The following STK24 variants were observed in gnomAD, a reference collection of about 807,000 sequenced individuals.
STK24 encodes serine/threonine-protein kinase 24.
In STK24, 21 loss-of-function variants were observed where a neutral mutation model predicts 55.6. The ratio of observed to expected loss-of-function variants is 0.38; its 90% CI spans 0.27 to 0.54. The LOEUF is 0.54. Ranked by LOEUF, STK24 falls within the 20% of genes least tolerant of loss-of-function variation. STK24 has a pLI of 0.79. For missense variants in STK24, 383 were observed against 538.4 expected, an observed-to-expected ratio of 0.71 and a Z score of 2.86; for synonymous variants, 200 against 215.2, an observed-to-expected ratio of 0.93 and a Z score of 0.62.
chr13:98,508,862 T>G lies in STK24; in HGVS notation c.273+10381A>C, dbSNP rs1490393785. 4 of 152,168 alleles carry G rather than the reference T, an allele frequency of 2.6e-5. No homozygotes were observed. In the East Asian group the frequency reaches 7.8e-4, roughly 30 times the overall value. 9.4% of individuals were successfully genotyped at this position (152,168 alleles called of 1,614,324 possible). ...CCTTCTCTGCTTTGAAGTCCATTCT[T>G]CAGCTTTGCCAATTTCAAAGCTGTT... On this transcript the variant is annotated intron_variant, in intron 2 of 10. Transcript: ENST00000539966.
intron 1 of STK24, among the ~76,000 whole-genome samples, chr13:98,535,967 A>G (rs767534198): frequency 2.0e-5 from 3 of 152,252 alleles, no homozygotes; most frequent in Non-Finnish European, 2.9e-5. Context: ...GAAACTGACT[A>G]TTCTAGAAGC....
At chr13:98,517,388 G>C (rs1420005730) in intron 2 of STK24, among the ~76,000 whole-genome samples, 1 of 152,170 alleles carries the variant, frequency 6.6e-6, no homozygotes, top group African/African-American at 2.4e-5. Context: ...CACTTTGGCA[G>C]GCTGAGGCAG....
intron 1 of STK24, among the ~76,000 whole-genome samples, chr13:98,528,340 G>A (rs1896490594): frequency 6.6e-6 from 1 of 152,202 alleles, no homozygotes; most frequent in Non-Finnish European, 1.5e-5. Context: ...GCCAGAAGGT[G>A]GGTGTTTTCC....
chr13:98,457,293 C>T lies in STK24; in HGVS notation c.1134G>A (p.Lys378=), dbSNP rs1217892388. 6.2e-7 allele frequency: 1 copy of T among 1,614,096 alleles called. No individual in the cohort carries two copies. The highest frequency in any genetic ancestry group is 2.2e-5 in the East Asian group (1 of 44,878). The change falls in exon 10 of 11, where the codon AAG becomes AAA. Residue 378 remains lysine (K), a synonymous_variant. Transcript: ENST00000539966. ...CCAAGTTCCCTCCGCACGCCTGGCT[C>T]TTCTCCTTCAACTGAAAACACACGA... The part of the protein sequence containing the change: ...ISPLFAELKE[K]SQACGGNLGS...
At chr13:98,492,966 A>G (rs1317963781) in intron 2 of STK24, among the ~76,000 whole-genome samples, 4 of 152,250 alleles carry the variant, frequency 2.6e-5, no homozygotes, top group African/African-American at 9.6e-5. Flanking sequence ...CCAGTAAGAA[A>G]AATACTTTGA....
intron 2 of STK24, among the ~76,000 whole-genome samples, chr13:98,503,024 G>GGTTTT (rs759314930): frequency 1.9e-5 from 2 of 107,084 alleles, no homozygotes; most frequent in South Asian, 2.9e-4. Context: ...CTTTCCATGT[G>GGTTTT]TTTTTTTTTT....
intron 4 of STK24, 97 bp downstream of exon 4, chr13:98,475,153 G>A: frequency 7.1e-7 from 1 of 1,399,730 alleles, no homozygotes; most frequent in Non-Finnish European, 9.8e-7. Flanking sequence ...AAACGTGCAG[G>A]ACAAATGGGC....
At chr13:98,480,452 G>GA (rs1158574948) in intron 3 of STK24, among the ~76,000 whole-genome samples, 1 of 152,116 alleles carries the variant, frequency 6.6e-6, no homozygotes, top group Non-Finnish European at 1.5e-5. Flanking sequence ...CCAACAGGGT[G>GA]AAAAAATGAA....
chr13:98,462,953 C>T (rs1893774982), intron 7 of STK24, among the ~76,000 whole-genome samples: 1 of 152,202 alleles, frequency 6.6e-6, no homozygotes, highest in Non-Finnish European at 1.5e-5. Context: ...CTCCCAATGG[C>T]AGTACCTCAA....
At chr13:98,491,212 G>A (rs1242585493) in intron 2 of STK24, among the ~76,000 whole-genome samples, 2 of 152,200 alleles carry the variant, frequency 1.3e-5, no homozygotes, top group Admixed American at 6.5e-5. Context: ...CTCCCTGCGA[G>A]CAATGCCTTC....
In STK24 at chr13:98,450,075, G is replaced by A. The variant is rs1176745414; in HGVS notation, c.*3098C>T. On this transcript the variant is annotated 3_prime_UTR_variant, in exon 11 of 11. Coordinates refer to ENST00000539966, the MANE Select transcript of STK24 (RefSeq NM_001032296.4). Reference sequence around the variant, plus strand: ...ATTCCAAACTACTTGCTGGACACTGGTGGTTCTGACCTGTGACCAGCACCT... The same window carrying A: ...ATTCCAAACTACTTGCTGGACACTGATGGTTCTGACCTGTGACCAGCACCT... 1 of 152,190 alleles carries A rather than the reference G, an allele frequency of 6.6e-6. No individual in the cohort carries two copies. The highest frequency in any genetic ancestry group is 1.5e-5 in the Non-Finnish European group (1 of 68,048). 9.4% of individuals were successfully genotyped at this position (152,190 alleles called of 1,614,324 possible). A position where few individuals can be genotyped will look rare whatever the true frequency, so the allele number is the denominator to read the frequency against.
chr13:98,469,557 C>T (rs575036241), intron 5 of STK24, among the ~76,000 whole-genome samples: 16 of 150,692 alleles, frequency 1.1e-4, no homozygotes, highest in East Asian at 5.9e-4. Context: ...AAAAAAAAGG[C>T]GGCGGGGGGA....
chr13:98,551,235 G>A (rs569580084), intron 1 of STK24, among the ~76,000 whole-genome samples: 84 of 151,122 alleles, frequency 5.6e-4, no homozygotes, highest in African/African-American at 1.6e-3. Flanking sequence ...GCAGTGAGCC[G>A]AGATCTTGCC....
chr13:98,530,306 G>C (rs867125332), intron 1 of STK24, among the ~76,000 whole-genome samples: 1 of 152,150 alleles, frequency 6.6e-6, no homozygotes, highest in African/African-American at 2.4e-5. Flanking sequence ...AGGCAGCTCC[G>C]TTTTTACCCC....
chr13:98,474,361 C>T (rs1171838518), intron 5 of STK24, among the ~76,000 whole-genome samples: 2 of 152,206 alleles, frequency 1.3e-5, no homozygotes, highest in African/African-American at 4.8e-5. Context: ...TCCATTCTCA[C>T]GCTTCCGTGG....
chr13:98,486,263 G>A (rs1412224416), intron 2 of STK24, among the ~76,000 whole-genome samples: 1 of 151,672 alleles, frequency 6.6e-6, no homozygotes, highest in African/African-American at 2.4e-5. Flanking sequence ...CAGTCTTCTG[G>A]TGCCCATACA....
At position 98,448,233 on chromosome 13, in the gene STK24, C is replaced by T. The variant is rs745769231; in HGVS notation, c.*4940G>A. ...TTGACTAACTGGCGTTCCCGTGTTG[C>T]AGGTGGATGGAAGTGATCCGCAGTG... On this transcript the variant is annotated 3_prime_UTR_variant, in exon 11 of 11. Coordinates refer to ENST00000539966, the MANE Select transcript of STK24 (RefSeq NM_001032296.4). 1.2e-6 allele frequency: 2 copies of T among 1,613,142 alleles called. No homozygotes were observed. The highest frequency in any genetic ancestry group is 1.7e-4 in the Middle Eastern group (1 of 5,998).
intron 1 of STK24, among the ~76,000 whole-genome samples, chr13:98,574,219 G>C (rs1897816663): frequency 6.6e-6 from 1 of 152,146 alleles, no homozygotes; most frequent in South Asian, 2.1e-4. Flanking sequence ...CACCATGTTA[G>C]CCAGGATGGT....
intron 1 of STK24, among the ~76,000 whole-genome samples, chr13:98,545,556 C>T (rs1897007840): frequency 6.6e-6 from 1 of 150,684 alleles, no homozygotes; most frequent in Admixed American, 6.6e-5. Flanking sequence ...ATGGCGTGAA[C>T]CCGGGAGGCA....
Sources: gnomAD v4.1 joint callset for allele counts (sites outside exome capture counted in the v4.1 genomes callset) on GRCh38, gnomAD v4.1.1 for gene constraint, MANE v1.5 for transcripts, NCBI Gene and HGNC (gene_info 2026-07-23, HGNC 2026-07-21) for gene names.